Variants in NXN observed in about 807,000 individuals in gnomAD.
NXN encodes the protein nucleoredoxin 1.
A neutral mutation model predicts 48.6 loss-of-function variants in NXN; 16 were observed. That is an observed-to-expected ratio of 0.33 (90% CI 0.22 to 0.50). NXN has a LOEUF of 0.50. NXN is among the 20% of genes least tolerant of loss of function. The probability of loss-of-function intolerance (pLI) is 0.98; values close to 1 mark genes in which losing one functional copy is unlikely to be tolerated. For synonymous variants in NXN, 281 were observed against 269.6 expected, an observed-to-expected ratio of 1.04 and a Z score of -0.41; for missense variants, 492 against 605.5, an observed-to-expected ratio of 0.81 and a Z score of 1.97.
At chr17:923,907 G>A (rs35962886) in intron 1 of NXN, among the ~76,000 whole-genome samples, 68,922 of 151,688 alleles carry the variant, frequency 0.45, 16,990 homozygotes, top group Non-Finnish European at 0.56. Context: ...AAGTGGAAAC[G>A]ACAAAACGAC....
In NXN at chr17:859,500, T is replaced by A. The variant is rs372250879; in HGVS notation, c.361-33422A>T. The stretch of plus-strand genomic sequence containing the variant: ...GACGTTTATTCAAAAGAAAAAAAAA[T>A]GGTTCCCAGCAACCCTTATGCAGGA... On this transcript the variant is annotated intron_variant, in intron 1 of 7. Coordinates refer to ENST00000336868, the MANE Select transcript of NXN (RefSeq NM_022463.5). Among the ~76,000 whole-genome samples, 14 of 151,512 alleles carry A rather than the reference T, an allele frequency of 9.2e-5. No individual in the cohort carries two copies. The East Asian group carries it at 1.4e-3, about 15-fold the overall frequency.
intron 1 of NXN, among the ~76,000 whole-genome samples, chr17:839,296 T>G (rs9797253): frequency 0.047 from 7,182 of 151,604 alleles, 290 homozygotes; most frequent in East Asian, 0.24. Context: ...TTAGCTGGTC[T>G]TGGTGGCAGG....
intron 1 of NXN, chr17:896,854 ACCACCCG>A: frequency 5.5e-6 from 5 of 908,606 alleles, no homozygotes; most frequent in Non-Finnish European, 7.5e-6. Flanking sequence ...CGCGGTCCTG[ACCACCCG>A]CCCCCGGCCC....
At chr17:959,241 C>A in intron 1 of NXN, 1 of 857,420 alleles carries the variant, frequency 1.2e-6, no homozygotes. Flanking sequence ...ACCCCAGCTC[C>A]CAGCCCCTCC....
intron 7 of NXN, 115 bp downstream of exon 7, chr17:803,567 A>G (rs1409207530): frequency 1.1e-5 from 15 of 1,327,074 alleles, no homozygotes; most frequent in African/African-American, 4.4e-5. Context: ...CTCTCTCAGA[A>G]GCACAGGCAG....
chr17:968,057 T>C (rs931056959), intron 1 of NXN, among the ~76,000 whole-genome samples: 4 of 151,342 alleles, frequency 2.6e-5, no homozygotes, highest in African/African-American at 9.7e-5. Flanking sequence ...ATGGATTTCT[T>C]GGGTGTGATA....
At chr17:890,663 G>A (rs977875513) in intron 1 of NXN, among the ~76,000 whole-genome samples, 4 of 152,198 alleles carry the variant, frequency 2.6e-5, no homozygotes, top group Middle Eastern at 3.4e-3. Flanking sequence ...TTACAGGCAT[G>A]AGCCACCGCA....
At chr17:855,444 C>T (rs1279337730) in intron 1 of NXN, among the ~76,000 whole-genome samples, 4 of 152,162 alleles carry the variant, frequency 2.6e-5, no homozygotes, top group Admixed American at 6.5e-5. Context: ...ATCTTCTTTG[C>T]GGCTAGTAAA....
At chr17:976,154 A>C (rs2069455013) in intron 1 of NXN, among the ~76,000 whole-genome samples, 1 of 151,522 alleles carries the variant, frequency 6.6e-6, no homozygotes, top group Non-Finnish European at 1.5e-5. Context: ...AAACAGGACA[A>C]TTTTGTATAA....
chr17:854,098 G>A (rs1197631839), intron 1 of NXN, among the ~76,000 whole-genome samples: 5 of 152,086 alleles, frequency 3.3e-5, no homozygotes, highest in Admixed American at 6.6e-5. Context: ...CGAGGCCAGG[G>A]AGATACTTAG....
intron 1 of NXN, among the ~76,000 whole-genome samples, chr17:926,552 T>TG (rs1555516493): frequency 7.9e-6 from 1 of 126,784 alleles, no homozygotes; most frequent in African/African-American, 3.0e-5. Context: ...TTTGTTTTTT[T>TG]GTTTTTTTTT....
intron 1 of NXN, among the ~76,000 whole-genome samples, chr17:968,281 T>C (rs1390854784): frequency 6.6e-6 from 1 of 152,138 alleles, no homozygotes; most frequent in Non-Finnish European, 1.5e-5. Context: ...ATAAATAATA[T>C]TAAGAGACAT....
intron 1 of NXN, among the ~76,000 whole-genome samples, chr17:858,201 T>C (rs1167262793): frequency 6.6e-6 from 1 of 151,972 alleles, no homozygotes; most frequent in African/African-American, 2.4e-5. Flanking sequence ...ATTTTTTCTA[T>C]AGAGATGAGG....
chr17:898,325 C>G (rs950161594), intron 1 of NXN, among the ~76,000 whole-genome samples: 7 of 152,146 alleles, frequency 4.6e-5, no homozygotes, highest in African/African-American at 1.7e-4. Context: ...CTCTGCTCTC[C>G]TGGGACACAC....
At chr17:857,508 G>A (rs2144768379) in intron 1 of NXN, among the ~76,000 whole-genome samples, 1 of 152,232 alleles carries the variant, frequency 6.6e-6, no homozygotes, top group South Asian at 2.1e-4. Flanking sequence ...TGATCTGCCT[G>A]CCTTGGCTCC....
In NXN at chr17:911,363, G is replaced by A. The variant is rs572180222; in HGVS notation, c.360+67956C>T. ...TTTTTTTTTTTTTTTTTTTTGAGAC[G>A]GAGTCTCGCTCTGTCGCCCAGGCTG... On this transcript the variant is annotated intron_variant, in intron 1 of 7. Transcript: ENST00000336868. 1.7e-3 allele frequency among the ~76,000 whole-genome samples: 157 copies of A among 90,178 alleles called. 2 individuals are homozygous for A. The highest frequency in any genetic ancestry group is 3.1e-3 in the Non-Finnish European group (135 of 43,082). 59.2% of individuals were successfully genotyped at this position (90,178 alleles called of 152,430 possible).
chr17:963,543 A>T (rs1555520966), intron 1 of NXN, among the ~76,000 whole-genome samples: 2 of 152,194 alleles, frequency 1.3e-5, no homozygotes, highest in Non-Finnish European at 2.9e-5. Flanking sequence ...CGGAGGTTGC[A>T]GTGAGCCAAG....
rs1042664434 is a variant in NXN at position 965,762 on chromosome 17, T to C, written c.360+13557A>G. Among the ~76,000 whole-genome samples the C allele has an allele frequency of 5.3e-5, 8 of 152,118 alleles. No individual in the cohort carries two copies. The East Asian group carries it at 1.5e-3, about 29-fold the overall frequency. Reference sequence around the variant, plus strand: ...AGAGCTAAGAAGGGGCTTTGATGACTGTAGGTGATCACATCAGCCTGTAGT... The same window carrying C: ...AGAGCTAAGAAGGGGCTTTGATGACCGTAGGTGATCACATCAGCCTGTAGT... On this transcript the variant is annotated intron_variant, in intron 1 of 7. Coordinates refer to ENST00000336868, the MANE Select transcript of NXN (RefSeq NM_022463.5).
intron 5 of NXN, 97 bp from the exon 6 acceptor site, chr17:805,344 T>A: frequency 7.6e-7 from 1 of 1,316,044 alleles, no homozygotes; most frequent in Non-Finnish European, 1.0e-6. Context: ...CCCCCGACCG[T>A]GGTGGAGCCC....
Sources: allele counts gnomAD v4.1 joint callset (sites outside exome capture counted in the v4.1 genomes callset), GRCh38; gene constraint gnomAD v4.1.1; transcripts MANE v1.5; gene names NCBI Gene and HGNC (gene_info 2026-07-23, HGNC 2026-07-21).